Variants in EPHA6 observed in about 807,000 individuals in gnomAD.
The protein encoded by EPHA6 is ephrin type-A receptor 6.
A neutral mutation model predicts 112.0 loss-of-function variants in EPHA6; 50 were observed. The observed-to-expected ratio is 0.45, with a 90% CI of 0.36 to 0.56. EPHA6 has a LOEUF of 0.56. Ranked by LOEUF, EPHA6 falls within the 20% of genes least tolerant of loss-of-function variation. The probability of loss-of-function intolerance (pLI) is 0.00; values close to 1 mark genes in which losing one functional copy is unlikely to be tolerated. For synonymous variants in EPHA6, 529 were observed against 490.7 expected (o/e 1.08, Z -1.03); for missense variants, 1,280 against 1,417.4 (o/e 0.90, Z 1.56).
chr3:97,689,694 AT>A (rs1049127205), intron 14 of EPHA6, among the ~76,000 whole-genome samples: 3 of 151,950 alleles, frequency 2.0e-5, no homozygotes, highest in East Asian at 1.9e-4. Context: ...CCATTTGATG[AT>A]TTTTTTTGTA....
intron 5 of EPHA6, among the ~76,000 whole-genome samples, chr3:97,386,481 C>G (rs1359043260): frequency 1.3e-5 from 2 of 152,198 alleles, no homozygotes; most frequent in Non-Finnish European, 2.9e-5. Flanking sequence ...CTAAAATGAT[C>G]TACTTTGACT....
At chr3:96,874,130 A>G (rs1011175517) in intron 2 of EPHA6, among the ~76,000 whole-genome samples, 5 of 151,960 alleles carry the variant, frequency 3.3e-5, no homozygotes, top group Non-Finnish European at 7.4e-5. Flanking sequence ...GGGTGAAAGG[A>G]CTCTCTTAAG....
chr3:97,053,201 C>T (rs1262670891), intron 3 of EPHA6, among the ~76,000 whole-genome samples: 1 of 151,954 alleles, frequency 6.6e-6, no homozygotes, highest in Non-Finnish European at 1.5e-5. Flanking sequence ...AAAGTTAATG[C>T]CATCTCGGAA....
chr3:97,590,015 G>A (rs189370865), intron 11 of EPHA6, among the ~76,000 whole-genome samples: 10 of 152,246 alleles, frequency 6.6e-5, no homozygotes, highest in East Asian at 1.9e-4. Flanking sequence ...CCTAGTGGAT[G>A]AAGAAACAAG....
intron 5 of EPHA6, among the ~76,000 whole-genome samples, chr3:97,250,575 A>G (rs539868219): frequency 6.6e-6 from 1 of 152,344 alleles, no homozygotes; most frequent in African/African-American, 2.4e-5. Context: ...TAAATCCTGT[A>G]AAATTAAACC....
At chr3:97,268,584 G>A (rs1313849388) in intron 5 of EPHA6, among the ~76,000 whole-genome samples, 1 of 152,126 alleles carries the variant, frequency 6.6e-6, no homozygotes, top group African/African-American at 2.4e-5. Context: ...GATGTGGAAT[G>A]ATAGATTTTT....
intron 5 of EPHA6, among the ~76,000 whole-genome samples, chr3:97,259,827 G>T (rs1337633707): frequency 1.3e-5 from 2 of 150,372 alleles, no homozygotes; most frequent in African/African-American, 4.9e-5. Context: ...TTGAGACAGG[G>T]TCTCCCTCTG....
At chr3:97,193,996 T>C (rs1306892282) in intron 3 of EPHA6, among the ~76,000 whole-genome samples, 1 of 152,044 alleles carries the variant, frequency 6.6e-6, no homozygotes, top group Non-Finnish European at 1.5e-5. Context: ...TCCCACTTGA[T>C]GATTTTGCTT....
At chr3:97,346,415 TATA>T (rs1294191873) in intron 5 of EPHA6, among the ~76,000 whole-genome samples, 2 of 152,236 alleles carry the variant, frequency 1.3e-5, no homozygotes, top group South Asian at 2.1e-4. Context: ...TTCAAACAGA[TATA>T]ATAAGTGTCT....
chr3:97,493,521 C>T (rs2091902820), intron 10 of EPHA6, among the ~76,000 whole-genome samples: 1 of 152,006 alleles, frequency 6.6e-6, no homozygotes, highest in Non-Finnish European at 1.5e-5. Flanking sequence ...CTCTGAAAAC[C>T]TCATTTAGCC....
At chr3:96,830,664 ATTTATC>A (rs1004573279) in intron 1 of EPHA6, among the ~76,000 whole-genome samples, 30 of 152,142 alleles carry the variant, frequency 2.0e-4, no homozygotes, top group African/African-American at 7.2e-4. Flanking sequence ...TTTAAATATT[ATTTATC>A]TTTAAGTCTT....
At chr3:97,159,429 G>T (rs1378037172) in intron 3 of EPHA6, among the ~76,000 whole-genome samples, 1 of 152,158 alleles carries the variant, frequency 6.6e-6, no homozygotes, top group Non-Finnish European at 1.5e-5. Flanking sequence ...AGAACATAAG[G>T]TTGCAGGAAC....
chr3:97,310,683 A>G (rs1267854722), intron 5 of EPHA6, among the ~76,000 whole-genome samples: 3 of 151,784 alleles, frequency 2.0e-5, no homozygotes, highest in East Asian at 3.9e-4. Context: ...GTAAGTCCTC[A>G]ACAAGTGCTG....
At chr3:97,233,120 A>AGG in intron 4 of EPHA6, among the ~76,000 whole-genome samples, 1 of 152,014 alleles carries the variant, frequency 6.6e-6, no homozygotes, top group African/African-American at 2.4e-5. Context: ...GCCACCAATT[A>AGG]TGGTTTTAGA....
intron 3 of EPHA6, among the ~76,000 whole-genome samples, chr3:97,008,430 C>T (rs1032008597): frequency 6.6e-6 from 1 of 152,114 alleles, no homozygotes; most frequent in African/African-American, 2.4e-5. Context: ...TCATGAAGTT[C>T]TTGTGCTGTG....
rs181199938 is a variant in EPHA6, at chr3:97,096,968, G to A, written c.1114+108975G>A. Among the ~76,000 whole-genome samples the A allele has an allele frequency of 5.5e-4, 84 of 151,528 alleles. No individual in the cohort carries two copies. The East Asian group carries it at 0.012, about 21-fold the overall frequency. On this transcript the variant is annotated intron_variant, in intron 3 of 17. Coordinates refer to ENST00000389672, the MANE Select transcript of EPHA6 (RefSeq NM_001080448.3). ...TGTTTCCTCCATTTTAGTTCCCTACGTAGTTTATGAGTTCGTAAACATTTA... is the reference window on the plus strand; with the variant it reads ...TGTTTCCTCCATTTTAGTTCCCTACATAGTTTATGAGTTCGTAAACATTTA...
intron 3 of EPHA6, among the ~76,000 whole-genome samples, chr3:97,026,263 G>A (rs1329866807): frequency 6.6e-6 from 1 of 151,374 alleles, no homozygotes; most frequent in Non-Finnish European, 1.5e-5. Flanking sequence ...GGCTCTTTTT[G>A]GTTCCAGATG....
intron 3 of EPHA6, among the ~76,000 whole-genome samples, chr3:97,035,895 C>A (rs2108035138): frequency 6.6e-6 from 1 of 151,966 alleles, no homozygotes; most frequent in African/African-American, 2.4e-5. Context: ...AAATCGGATT[C>A]TCAGTGTGAT....
intron 1 of EPHA6, among the ~76,000 whole-genome samples, chr3:96,866,222 T>C (rs2036301387): frequency 6.6e-6 from 1 of 152,056 alleles, no homozygotes; most frequent in Non-Finnish European, 1.5e-5. Context: ...CATGTCTGCT[T>C]TTTTGACAAG....
Sources: gnomAD v4.1 joint callset for allele counts (sites outside exome capture counted in the v4.1 genomes callset) on GRCh38, gnomAD v4.1.1 for gene constraint, MANE v1.5 for transcripts, NCBI Gene and HGNC (gene_info 2026-07-23, HGNC 2026-07-21) for gene names.